Variants in TDRD1 observed in about 807,000 individuals in gnomAD.
The protein encoded by TDRD1 is tudor domain-containing protein 1.
A neutral mutation model predicts 140.6 loss-of-function variants in TDRD1; 37 were observed. That is an observed-to-expected ratio of 0.26 (90% CI 0.20 to 0.35). The LOEUF is 0.35. TDRD1 is among the 10% of genes least tolerant of loss of function. The probability of loss-of-function intolerance (pLI) is 1.00; values close to 1 mark genes in which losing one functional copy is unlikely to be tolerated. For missense variants in TDRD1, 1,243 were observed against 1,393.0 expected (o/e 0.89, Z 1.71); for synonymous variants, 506 against 475.7 (o/e 1.06, Z -0.83).
chr10:114,209,962 A>G (rs901930763), intron 11 of TDRD1, among the ~76,000 whole-genome samples: 8 of 152,308 alleles, frequency 5.3e-5, no homozygotes, highest in African/African-American at 1.9e-4. Flanking sequence ...TATTCCTTGC[A>G]TAGTTGGAAT....
intron 1 of TDRD1, among the ~76,000 whole-genome samples, chr10:114,187,292 T>G (rs939269504): frequency 6.6e-6 from 1 of 151,660 alleles, no homozygotes; most frequent in Non-Finnish European, 1.5e-5. Flanking sequence ...GGAAGAGGGG[T>G]CAGCTGAGAT....
exon 7 of TDRD1, chr10:114,203,166 T>C (rs781576833): frequency 6.2e-7 from 1 of 1,610,426 alleles, no homozygotes; most frequent in Non-Finnish European, 8.5e-7. Context: ...AAGAAAACCA[T>C]GGAAATAAAG....
chr10:114,223,880 C>T (rs1192403074), intron 21 of TDRD1, among the ~76,000 whole-genome samples: 2 of 152,208 alleles, frequency 1.3e-5, no homozygotes, highest in Non-Finnish European at 2.9e-5. Context: ...CTTCAGTCTG[C>T]TCCTGTACAG....
chr10:114,226,854 G>T (rs1337312840), intron 22 of TDRD1, among the ~76,000 whole-genome samples: 1 of 152,132 alleles, frequency 6.6e-6, no homozygotes, highest in Non-Finnish European at 1.5e-5. Context: ...TCTGTTTCGT[G>T]CCCTCTAGTC....
At chr10:114,220,701 C>G in exon 19 of TDRD1, 1 of 1,614,032 alleles carries the variant, frequency 6.2e-7, no homozygotes, top group Non-Finnish European at 8.5e-7. Flanking sequence ...TCACCGATCT[C>G]TCCACTTGTT....
chr10:114,213,857 T>C (rs113767534), intron 15 of TDRD1, 120 bp from the exon 16 acceptor site: 10 of 866,668 alleles, frequency 1.2e-5, no homozygotes, highest in African/African-American at 1.0e-4. Context: ...TTAATATTCC[T>C]ATAAAGGCAC....
At chr10:114,226,785 A>T (rs1254927732) in intron 22 of TDRD1, among the ~76,000 whole-genome samples, 1 of 152,084 alleles carries the variant, frequency 6.6e-6, no homozygotes, top group Non-Finnish European at 1.5e-5. Context: ...TTAGGTTTTG[A>T]CTCAGAGTTG....
chr10:114,193,289 C>CTTTTTTTTTTTTTTTTT (rs1170053036), intron 3 of TDRD1, among the ~76,000 whole-genome samples: 2 of 83,678 alleles, frequency 2.4e-5, no homozygotes, highest in African/African-American at 5.1e-5. Flanking sequence ...TTGCTGAAGT[C>CTTTTTTTTTTTTTTTTT]TTTTTTTTTT....
chr10:114,210,905 A>C, exon 13 of TDRD1: 2 of 1,614,156 alleles, frequency 1.2e-6, no homozygotes, highest in Non-Finnish European at 1.7e-6. Flanking sequence ...TACTGTGATC[A>C]GTTGCCTCCA....
At chr10:114,230,595 T>C (rs943110210) in intron 25 of TDRD1, among the ~76,000 whole-genome samples, 3 of 152,218 alleles carry the variant, frequency 2.0e-5, no homozygotes, top group Non-Finnish European at 4.4e-5. Flanking sequence ...TTCCCTGAGC[T>C]GCTACGTGTA....
At chr10:114,218,429 A>G in exon 18 of TDRD1, 1 of 1,593,606 alleles carries the variant, frequency 6.3e-7, no homozygotes, top group South Asian at 1.1e-5. Flanking sequence ...GGTAGTTGGT[A>G]TCGTGCTTTA....
At chr10:114,220,706 C>T in exon 19 of TDRD1, 1 of 1,613,968 alleles carries the variant, frequency 6.2e-7, no homozygotes, top group Non-Finnish European at 8.5e-7. Context: ...GATCTCTCCA[C>T]TTGTTATCCC....
At chr10:114,180,532 C>G (rs760235712) in intron 1 of TDRD1, among the ~76,000 whole-genome samples, 5 of 152,096 alleles carry the variant, frequency 3.3e-5, no homozygotes, top group African/African-American at 1.2e-4. Flanking sequence ...ATGGCGCGAT[C>G]CCAGCTCACT....
intron 1 of TDRD1, among the ~76,000 whole-genome samples, chr10:114,186,746 T>C (rs2033564321): frequency 6.6e-6 from 1 of 152,194 alleles, no homozygotes; most frequent in Non-Finnish European, 1.5e-5. Context: ...TCTCAGGGTC[T>C]GGTCCAATAA....
chr10:114,210,990 T>G, intron 13 of TDRD1, 23 bp downstream of exon 13: 1 of 1,543,628 alleles, frequency 6.5e-7, no homozygotes. Flanking sequence ...TATTACTGAT[T>G]TTTAAAATTT....
chr10:114,215,536 T>G (rs890011105), intron 16 of TDRD1, among the ~76,000 whole-genome samples: 9 of 152,224 alleles, frequency 5.9e-5, no homozygotes, highest in Non-Finnish European at 1.3e-4. Flanking sequence ...GTGTGTTTTC[T>G]TTTTCATTTG....
intron 1 of TDRD1, 28 bp from the exon 2 acceptor site, chr10:114,187,798 T>A: frequency 6.6e-7 from 1 of 1,505,522 alleles, no homozygotes; most frequent in Non-Finnish European, 8.9e-7. Context: ...AATTAAAAGT[T>A]GTCTCTTAAA....
At chr10:114,223,050 A>G (rs985094766) in intron 21 of TDRD1, among the ~76,000 whole-genome samples, 3 of 152,220 alleles carry the variant, frequency 2.0e-5, no homozygotes, top group Non-Finnish European at 2.9e-5. Context: ...GTACTAAAAG[A>G]AGGATGGAAT....
At chr10:114,204,541 C>T (rs1306054752) in intron 9 of TDRD1, among the ~76,000 whole-genome samples, 181 bp from the exon 10 acceptor site, 2 of 151,878 alleles carry the variant, frequency 1.3e-5, no homozygotes, top group Non-Finnish European at 2.9e-5. Context: ...CAAAAGTAAG[C>T]GTTATGAATA....
Sources: gnomAD v4.1 joint callset for allele counts (sites outside exome capture counted in the v4.1 genomes callset) on GRCh38, gnomAD v4.1.1 for gene constraint, MANE v1.5 for transcripts, NCBI Gene and HGNC (gene_info 2026-07-23, HGNC 2026-07-21) for gene names.